Variants in GABRG3 observed in about 807,000 individuals in gnomAD.
GABRG3 encodes the protein gamma-aminobutyric acid type A receptor subunit gamma3.
Under a neutral mutation model 48.8 loss-of-function variants are expected in GABRG3, and 25 were observed. The ratio of observed to expected loss-of-function variants is 0.51; its 90% CI spans 0.37 to 0.72. The LOEUF is 0.72. GABRG3 is among the 30% of genes least tolerant of loss of function. The pLI is 0.00. For missense variants in GABRG3, 394 were observed against 577.9 expected, an observed-to-expected ratio of 0.68 and a Z score of 3.26; for synonymous variants, 227 against 217.6, an observed-to-expected ratio of 1.04 and a Z score of -0.38.
intron 1 of GABRG3, among the ~76,000 whole-genome samples, chr15:26,971,896 G>A (rs1326905739): frequency 6.6e-6 from 1 of 152,100 alleles, no homozygotes; most frequent in Non-Finnish European, 1.5e-5. Context: ...GCCATTTCTG[G>A]CTCCTTACCG....
At chr15:27,219,642 C>T (rs1341162028) in intron 3 of GABRG3, among the ~76,000 whole-genome samples, 6 of 152,176 alleles carry the variant, frequency 3.9e-5, no homozygotes, top group South Asian at 2.1e-4. Flanking sequence ...AGGCAGACAG[C>T]GCCCAACCTC....
intron 5 of GABRG3, among the ~76,000 whole-genome samples, chr15:27,349,910 A>C (rs1469612349): frequency 6.8e-6 from 1 of 147,752 alleles, no homozygotes; most frequent in African/African-American, 2.5e-5. Flanking sequence ...GTCATACCTG[A>C]CTGCATCCTT....
intron 5 of GABRG3, among the ~76,000 whole-genome samples, chr15:27,414,607 C>T (rs897080706): frequency 1.3e-5 from 2 of 152,186 alleles, no homozygotes; most frequent in Admixed American, 6.5e-5. Flanking sequence ...CCACTTAATG[C>T]ATTTAATACC....
At chr15:27,316,640 A>G (rs1893239566) in intron 3 of GABRG3, among the ~76,000 whole-genome samples, 1 of 152,208 alleles carries the variant, frequency 6.6e-6, no homozygotes, top group Non-Finnish European at 1.5e-5. Flanking sequence ...TTAACTTATG[A>G]ACATTTTTTA....
rs150360675 is a variant in GABRG3, at chr15:26,982,865, G to A, written c.202+5715G>A. Reference sequence around the variant, plus strand: ...TTTTGTGACTTTAACGTTCCACCATGATCATCATCTGGTCCCTGGGGCAGC... The same window carrying A: ...TTTTGTGACTTTAACGTTCCACCATAATCATCATCTGGTCCCTGGGGCAGC... On this transcript the variant is annotated intron_variant, in intron 2 of 9. Transcript: ENST00000615808. Among the ~76,000 whole-genome samples the A allele has an allele frequency of 2.0e-5, 3 of 152,330 alleles. No individual in the cohort carries two copies. In the East Asian group the frequency reaches 5.8e-4, roughly 29 times the overall value.
At chr15:26,977,792 A>G (rs1894979956) in intron 2 of GABRG3, among the ~76,000 whole-genome samples, 1 of 152,194 alleles carries the variant, frequency 6.6e-6, no homozygotes, top group African/African-American at 2.4e-5. Flanking sequence ...ACATTTATAT[A>G]CAGGTTTCTA....
intron 3 of GABRG3, among the ~76,000 whole-genome samples, chr15:27,139,542 A>C (rs1898068054): frequency 6.6e-6 from 1 of 152,204 alleles, no homozygotes; most frequent in Non-Finnish European, 1.5e-5. Flanking sequence ...TTTCCCAGCT[A>C]TCTGGGCATC....
intron 7 of GABRG3, 73 bp downstream of exon 7, chr15:27,520,197 A>G (rs1891126287): frequency 7.5e-6 from 10 of 1,339,386 alleles, no homozygotes; most frequent in Admixed American, 7.0e-5. Context: ...AATACCTTCA[A>G]TGTAAAAGAC....
chr15:27,009,409 C>G (rs1895646137), intron 2 of GABRG3, among the ~76,000 whole-genome samples: 1 of 152,162 alleles, frequency 6.6e-6, no homozygotes, highest in African/African-American at 2.4e-5. Flanking sequence ...ATTGAAAAAA[C>G]CGTTAGGATC....
intron 3 of GABRG3, among the ~76,000 whole-genome samples, chr15:27,253,224 C>A (rs931852422): frequency 2.6e-5 from 4 of 152,196 alleles, no homozygotes; most frequent in Admixed American, 2.0e-4. Context: ...AAATCATAGG[C>A]CCATCTTTTT....
chr15:27,001,435 C>G (rs759494745), intron 2 of GABRG3, among the ~76,000 whole-genome samples: 5 of 152,208 alleles, frequency 3.3e-5, no homozygotes, highest in African/African-American at 1.2e-4. Flanking sequence ...CCAGCTGACT[C>G]CCGCACACAA....
intron 3 of GABRG3, among the ~76,000 whole-genome samples, chr15:27,240,537 T>A (rs1890101403): frequency 6.6e-6 from 1 of 152,238 alleles, no homozygotes. Flanking sequence ...GAAATGATTT[T>A]GCTTTCCTTT....
At chr15:27,175,588 G>C (rs1887719612) in intron 3 of GABRG3, among the ~76,000 whole-genome samples, 1 of 152,220 alleles carries the variant, frequency 6.6e-6, no homozygotes, top group Admixed American at 6.5e-5. Flanking sequence ...AAAGCAGTCT[G>C]ATTAGACAAG....
intron 2 of GABRG3, among the ~76,000 whole-genome samples, chr15:26,980,911 G>C (rs1895042578): frequency 6.6e-6 from 1 of 151,984 alleles, no homozygotes; most frequent in African/African-American, 2.4e-5. Flanking sequence ...AGCAGACACT[G>C]GGGTCTATCT....
intron 7 of GABRG3, among the ~76,000 whole-genome samples, chr15:27,527,015 G>A (rs541481790): frequency 6.6e-6 from 1 of 152,294 alleles, no homozygotes; most frequent in South Asian, 2.1e-4. Context: ...TGGTGCTGGA[G>A]CCGGGTCTTC....
At chr15:27,155,667 C>G (rs963586797) in intron 3 of GABRG3, among the ~76,000 whole-genome samples, 7 of 152,120 alleles carry the variant, frequency 4.6e-5, no homozygotes, top group African/African-American at 1.7e-4. Flanking sequence ...TTTATTTACC[C>G]TTGGAGGCTG....
chr15:27,144,568 A>G (rs987689033), intron 3 of GABRG3, among the ~76,000 whole-genome samples: 17 of 152,212 alleles, frequency 1.1e-4, no homozygotes, highest in African/African-American at 4.1e-4. Flanking sequence ...AAGCTCACCA[A>G]AAAATTCAAA....
At chr15:27,300,428 C>T (rs1296079627) in intron 3 of GABRG3, among the ~76,000 whole-genome samples, 1 of 152,072 alleles carries the variant, frequency 6.6e-6, no homozygotes, top group African/African-American at 2.4e-5. Context: ...CTTTGGGAAG[C>T]CGAGTCTGGC....
At chr15:27,216,774 T>A (rs28454815) in intron 3 of GABRG3, among the ~76,000 whole-genome samples, 6 of 64,578 alleles carry the variant, frequency 9.3e-5, no homozygotes, top group East Asian at 1.0e-3. Flanking sequence ...TTATTTATTT[T>A]TTAATTTTTT....
Sources: allele counts gnomAD v4.1 joint callset (sites outside exome capture counted in the v4.1 genomes callset), GRCh38; gene constraint gnomAD v4.1.1; transcripts MANE v1.5; gene names NCBI Gene and HGNC (gene_info 2026-07-23, HGNC 2026-07-21).